CPS1: variants seen among roughly 807,000 people sequenced by gnomAD.
CPS1 encodes the protein carbamoyl-phosphate synthase 1, also known as carbamoyl-phosphate synthase [ammonia], mitochondrial.
A neutral mutation model predicts 174.6 loss-of-function variants in CPS1; 109 were observed. That is an observed-to-expected ratio of 0.62 (90% CI 0.53 to 0.73). The LOEUF is 0.73. Ranked by LOEUF, CPS1 falls within the 30% of genes least tolerant of loss-of-function variation. CPS1 has a pLI of 0.00. For missense variants in CPS1, 1,689 were observed against 1,821.9 expected (o/e 0.93, Z 1.33); for synonymous variants, 637 against 632.0 (o/e 1.01, Z -0.12).
chr2:210,672,080 C>G (rs1329631547), intron 34 of CPS1: 2 of 152,122 alleles, frequency 1.3e-5, no homozygotes, highest in African/African-American at 4.8e-5. Context: ...CTAGGATCCA[C>G]TCCCAGAGTT....
rs188154138 is a variant in CPS1, at chr2:210,677,241, C to G, written c.4404+105C>G. ...CATCTCTCTTTTCCCCTCTTTGTAACTTTCAGAATAGAGAGGAATTTTTAA... is the reference window on the plus strand; with the variant it reads ...CATCTCTCTTTTCCCCTCTTTGTAAGTTTCAGAATAGAGAGGAATTTTTAA... On this transcript the variant is annotated intron_variant, in intron 37 of 37. Transcript: ENST00000233072. 8.4e-6 allele frequency: 10 copies of G among 1,183,774 alleles called. No individual in the cohort carries two copies. The Admixed American group carries it at 1.6e-4, about 19-fold the overall frequency. 73.3% of individuals were successfully genotyped at this position (1,183,774 alleles called of 1,614,324 possible).
chr2:210,519,890 C>G, intron 1 of CPS1: 1 of 592,892 alleles, frequency 1.7e-6, no homozygotes, highest in Non-Finnish European at 2.1e-6. Context: ...TGCGTTCCAG[C>G]ATACAGTGCT....
intron 1 of CPS1, among the ~76,000 whole-genome samples, chr2:210,559,444 C>T (rs756449978): frequency 5.3e-5 from 8 of 151,958 alleles, no homozygotes; most frequent in Non-Finnish European, 7.4e-5. Context: ...TATTTGTCAG[C>T]GGCTAATATT....
intron 27 of CPS1, among the ~76,000 whole-genome samples, chr2:210,649,076 T>G (rs1700479886): frequency 6.6e-6 from 1 of 152,224 alleles, no homozygotes; most frequent in East Asian, 1.9e-4. Flanking sequence ...TATCACTTAC[T>G]TTCTTCAGAT....
At chr2:210,615,796 T>C (rs756292422) in intron 20 of CPS1, among the ~76,000 whole-genome samples, 4 of 152,046 alleles carry the variant, frequency 2.6e-5, no homozygotes, top group Non-Finnish European at 4.4e-5. Context: ...TACATTGTTT[T>C]GGAATATATT....
At chr2:210,654,895 A>G (rs1293147704) in intron 29 of CPS1, among the ~76,000 whole-genome samples, 9 of 152,218 alleles carry the variant, frequency 5.9e-5, no homozygotes, top group African/African-American at 1.2e-4. Flanking sequence ...AATGGTATCT[A>G]CTTACAACAG....
chr2:210,585,025 T>G (rs1698059670), intron 6 of CPS1, among the ~76,000 whole-genome samples: 1 of 152,046 alleles, frequency 6.6e-6, no homozygotes, highest in African/African-American at 2.4e-5. Context: ...CTTCCATGAC[T>G]CATCTCACCT....
At chr2:210,479,933 A>G (rs1292475974) in intron 1 of CPS1, among the ~76,000 whole-genome samples, 1 of 152,224 alleles carries the variant, frequency 6.6e-6, no homozygotes, top group African/African-American at 2.4e-5. Flanking sequence ...TTGATAACAG[A>G]GAAAACAACT....
At chr2:210,579,587 G>T (rs746275052) in intron 4 of CPS1, 127 bp from the exon 5 acceptor site, 3 of 762,178 alleles carry the variant, frequency 3.9e-6, no homozygotes, top group Non-Finnish European at 7.0e-6. Context: ...CTGGGTCAGA[G>T]AAAAGAAAGA....
At position 210,642,513 on chromosome 2, in the gene CPS1, G is replaced by T; in HGVS notation, c.2989G>T (p.Val997Phe). Residue 997 changes from valine (V) to phenylalanine (F), a missense_variant, in exon 25 of 38, where the codon GTC becomes TTC. By Grantham distance (50) the Val-to-Phe change is conservative (BLOSUM62 -1). Transcript: ENST00000233072. The stretch of plus-strand genomic sequence containing the variant: ...CAGTGTGGAATTTGATTGGTGTGCT[G>T]TCTCTAGTATCCGCACACTGCGTCA... The part of the protein sequence containing the change: ...GSSVEFDWCA[V>F]SSIRTLRQLG... 6.2e-7 allele frequency: 1 copy of T among 1,613,940 alleles called. No homozygotes were observed. Among genetic ancestry groups the T allele is most frequent in the Non-Finnish European group, 8.5e-7 (1 of 1,179,860 alleles).
intron 1 of CPS1, among the ~76,000 whole-genome samples, chr2:210,483,256 A>G (rs775751700): frequency 6.6e-6 from 1 of 152,188 alleles, no homozygotes; most frequent in African/African-American, 2.4e-5. Context: ...TGGTAGGAAC[A>G]CATAAAGGCC....
intron 1 of CPS1, among the ~76,000 whole-genome samples, chr2:210,481,286 G>A (rs925615047): frequency 6.6e-6 from 1 of 152,198 alleles, no homozygotes; most frequent in African/African-American, 2.4e-5. Context: ...AAGAAAAGGA[G>A]ACTTCCCCCT....
At position 210,607,139 on chromosome 2, in the gene CPS1, G is replaced by C. The variant is rs1559103147; in HGVS notation, c.2192+198G>C. ...CAGATTGAGGTAAATTATATTGCTA[G>C]CTGGCTTTGTTTGCAGGCTAATCTA... On this transcript the variant is annotated intron_variant, in intron 18 of 37. Transcript: ENST00000233072. Among the ~76,000 whole-genome samples the C allele has an allele frequency of 5.9e-5, 9 of 152,032 alleles. No homozygotes were observed. In the South Asian group the frequency reaches 1.9e-3, roughly 31 times the overall value.
At chr2:210,517,109 A>T (rs1287371774) in intron 1 of CPS1, among the ~76,000 whole-genome samples, 1 of 151,966 alleles carries the variant, frequency 6.6e-6, no homozygotes, top group Non-Finnish European at 1.5e-5. Context: ...AAACGAGGAA[A>T]TATTTCATAA....
intron 1 of CPS1, chr2:210,519,668 C>T (rs1695769971): frequency 1.3e-6 from 1 of 794,758 alleles, no homozygotes; most frequent in African/African-American, 1.9e-5. Context: ...CATCTAGACA[C>T]AGGCACGTGA....
At chr2:210,541,533 C>T (rs943145947) in intron 1 of CPS1, among the ~76,000 whole-genome samples, 1 of 152,102 alleles carries the variant, frequency 6.6e-6, no homozygotes, top group Non-Finnish European at 1.5e-5. Flanking sequence ...AGGGCTTTTA[C>T]CCCTCTTATG....
rs1559097977 is a variant in CPS1, at chr2:210,599,426, A to G, written c.1414A>G (p.Asn472Asp). Residue 472 changes from asparagine (N) to aspartate (D), a missense_variant, in exon 14 of 38, where the codon AAT (asparagine) becomes GAT (aspartate). Transcript: ENST00000233072. Reference sequence around the variant, plus strand: ...CCCAAACATTGCATCAGTCCAGACCAATGAGGTGGGCTTAAAGCAAGCGGA... The same window carrying G: ...CCCAAACATTGCATCAGTCCAGACCGATGAGGTGGGCTTAAAGCAAGCGGA... ...MNPNIASVQTNEVGLKQADTV... is the reference protein window; with the variant it reads ...MNPNIASVQTDEVGLKQADTV... 1 of 1,612,556 alleles carries G rather than the reference A, an allele frequency of 6.2e-7. No individual in the cohort carries two copies. Among genetic ancestry groups the G allele is most frequent in the Non-Finnish European group, 8.5e-7 (1 of 1,179,012 alleles).
At chr2:210,661,250 C>T (rs189000798) in intron 32 of CPS1, among the ~76,000 whole-genome samples, 25 of 152,038 alleles carry the variant, frequency 1.6e-4, no homozygotes, top group African/African-American at 5.8e-4. Context: ...TAAATAATAC[C>T]TTAATAATAA....
intron 28 of CPS1, 44 bp downstream of exon 28, chr2:210,650,482 C>T: frequency 7.9e-7 from 1 of 1,262,986 alleles, no homozygotes; most frequent in Non-Finnish European, 1.2e-6. Context: ...TCTTAATAAA[C>T]ATGTAGTGAC....
Sources: gnomAD v4.1 joint callset for allele counts (sites outside exome capture counted in the v4.1 genomes callset) on GRCh38, gnomAD v4.1.1 for gene constraint, MANE v1.5 for transcripts, NCBI Gene and HGNC (gene_info 2026-07-23, HGNC 2026-07-21) for gene names.